Variants in BRWD3 observed in about 807,000 individuals in gnomAD.
The protein encoded by BRWD3 is bromodomain and WD repeat-containing protein 3.
In BRWD3, 10 loss-of-function variants were observed where a neutral mutation model predicts 149.7. The observed-to-expected ratio is 0.07, with a 90% CI of 0.04 to 0.11. BRWD3 has a LOEUF of 0.11. Ranked by LOEUF, BRWD3 falls within the 10% of genes least tolerant of loss-of-function variation. The pLI, the probability that BRWD3 is intolerant of heterozygous loss-of-function variation, is 1.00. For missense variants in BRWD3, 940 were observed against 1,373.2 expected (o/e 0.68, Z 4.99); for synonymous variants, 504 against 456.7 (o/e 1.10, Z -1.32).
At chrX:80,737,927 A>G (rs764646634) in intron 8 of BRWD3, among the ~76,000 whole-genome samples, 83 of 112,507 alleles carry the variant, frequency 7.4e-4, no homozygotes, top group Non-Finnish European at 1.3e-4. Context: ...GCTTCTGTAA[A>G]TATAGTGTTA....
intron 24 of BRWD3, 125 bp downstream of exon 24, chrX:80,703,355 G>A (rs2072817741): frequency 6.7e-6 from 3 of 449,622 alleles, no homozygotes; most frequent in Non-Finnish European, 1.1e-5. Flanking sequence ...ATATATAATT[G>A]AGCAGAGCAG....
chrX:80,710,257 C>A, intron 20 of BRWD3: 1 of 377,395 alleles, frequency 2.6e-6, no homozygotes. Flanking sequence ...TAATTGGAAG[C>A]AAGACCCAAA....
chrX:80,673,197 T>C lies in BRWD3; in HGVS notation c.*3412A>G, dbSNP rs1296011567. The C allele has an allele frequency of 9.0e-6, 1 of 111,496 alleles. No homozygotes were observed. The highest frequency in any genetic ancestry group is 3.3e-5 in the African/African-American group (1 of 30,687). The allele number at this position is 111,496 out of a possible 1,213,427, so 9.2% of individuals were successfully genotyped here. A position where few individuals can be genotyped will look rare whatever the true frequency, so the allele number is the denominator to read the frequency against. ...TGCAGAATGAGATTTCTAATTTTACTCAGTTACTTTGTTACTTTGCATCTG... is the reference window on the plus strand; with the variant it reads ...TGCAGAATGAGATTTCTAATTTTACCCAGTTACTTTGTTACTTTGCATCTG... On this transcript the variant is annotated 3_prime_UTR_variant, in exon 41 of 41. Coordinates refer to ENST00000373275, the MANE Select transcript of BRWD3 (RefSeq NM_153252.5).
At chrX:80,687,655 C>T (rs2072549969) in intron 34 of BRWD3, among the ~76,000 whole-genome samples, 1 of 110,419 alleles carries the variant, frequency 9.1e-6, no homozygotes, top group Non-Finnish European at 1.9e-5. Flanking sequence ...ACAGTATAAA[C>T]AATGTGATTT....
At chrX:80,701,618 A>G (rs1207201691) in intron 24 of BRWD3, among the ~76,000 whole-genome samples, 1 of 108,219 alleles carries the variant, frequency 9.2e-6, no homozygotes, top group African/African-American at 3.4e-5. Flanking sequence ...AAAAAATACC[A>G]TATTATGAGA....
chrX:80,809,389 G>C (rs1194307745), intron 1 of BRWD3, 52 bp downstream of exon 1: 2 of 1,125,382 alleles, frequency 1.8e-6, no homozygotes, highest in Non-Finnish European at 1.2e-6. Context: ...CAGCCTTCGC[G>C]CTAAGCCCCC....
intron 18 of BRWD3, among the ~76,000 whole-genome samples, chrX:80,719,056 G>A (rs767636083): frequency 1.9e-5 from 1 of 53,524 alleles, no homozygotes; most frequent in African/African-American, 5.9e-5. Flanking sequence ...CTTGTCTTCA[G>A]TGTATTTTTT....
chrX:80,754,771 C>T lies in BRWD3; in HGVS notation c.431-9042G>A, dbSNP rs188068661. Among the ~76,000 whole-genome samples the T allele has an allele frequency of 2.4e-3, 269 of 112,111 alleles. 1 individual carries two copies. The highest frequency in any genetic ancestry group is 8.3e-3 in the African/African-American group (257 of 30,883). On this transcript the variant is annotated intron_variant, in intron 6 of 40. Coordinates refer to ENST00000373275, the MANE Select transcript of BRWD3 (RefSeq NM_153252.5). ...CCTATTATCCCAGCACTTTGAGAGG[C>T]TGAGGCAGGCAGATCACTTGAGGTC...
intron 6 of BRWD3, among the ~76,000 whole-genome samples, chrX:80,767,446 C>A (rs748114483): frequency 2.7e-4 from 30 of 111,455 alleles, no homozygotes; most frequent in Non-Finnish European, 5.5e-4. Flanking sequence ...CAAACACCAA[C>A]AGACCTGCAG....
At chrX:80,691,294 A>C (rs2072607892) in intron 30 of BRWD3, 121 bp from the exon 31 acceptor site, 1 of 741,726 alleles carries the variant, frequency 1.3e-6, no homozygotes, top group African/African-American at 2.2e-5. Flanking sequence ...TAAAACCATG[A>C]GGATTCCATT....
intron 27 of BRWD3, among the ~76,000 whole-genome samples, chrX:80,693,949 T>C (rs1413957494): frequency 1.8e-5 from 2 of 111,503 alleles, no homozygotes; most frequent in African/African-American, 3.3e-5. Flanking sequence ...AGGAGCCAAA[T>C]GTTAGTCACC....
chrX:80,782,902 A>AAAAT (rs939635744), intron 6 of BRWD3, among the ~76,000 whole-genome samples: 5 of 110,727 alleles, frequency 4.5e-5, no homozygotes, highest in African/African-American at 1.6e-4. Flanking sequence ...ACCCTATTTA[A>AAAAT]AAATAAATAA....
chrX:80,701,645 A>T (rs1255350108), intron 24 of BRWD3, among the ~76,000 whole-genome samples: 1 of 109,668 alleles, frequency 9.1e-6, no homozygotes, highest in African/African-American at 3.3e-5. Context: ...AAATACATTA[A>T]CATACTCTAC....
chrX:80,721,347 T>G (rs2073147403), intron 17 of BRWD3, among the ~76,000 whole-genome samples: 1 of 111,655 alleles, frequency 9.0e-6, no homozygotes, highest in African/African-American at 3.3e-5. Context: ...TAATTAATAT[T>G]CACACCTTTT....
At chrX:80,738,868 C>T (rs2073444310) in intron 8 of BRWD3, among the ~76,000 whole-genome samples, 1 of 111,647 alleles carries the variant, frequency 9.0e-6, no homozygotes, top group African/African-American at 3.3e-5. Flanking sequence ...CAAACAAACA[C>T]GCAGTAGATG....
intron 6 of BRWD3, among the ~76,000 whole-genome samples, chrX:80,748,414 G>T (rs1170897527): frequency 1.8e-5 from 2 of 111,868 alleles, no homozygotes; most frequent in Non-Finnish European, 3.8e-5. Context: ...AAATGAATTT[G>T]AAAGTATTCT....
chrX:80,714,929 T>G (rs2073053667), intron 20 of BRWD3, among the ~76,000 whole-genome samples: 1 of 112,276 alleles, frequency 8.9e-6, no homozygotes, highest in Non-Finnish European at 1.9e-5. Context: ...GAGATTTAAT[T>G]TTTAATGATT....
In BRWD3 at chrX:80,717,742, T is replaced by C; in HGVS notation, c.2062A>G (p.Met688Val). The change falls in exon 19 of 41, where the codon ATG becomes GTG. Residue 688 changes from methionine to valine, a missense_variant. Physicochemically the swap from Met to Val is conservative, Grantham distance 21. Transcript: ENST00000373275. ...SVNGALRSPN[M>V]DISSSPNIRL... is the part of the protein sequence containing the mutation. ...ATGTTTGGGGAAGAAGATATGTCCA[T>C]GTTTGGACTTCTCAGAGCTAAAACA... The C allele has an allele frequency of 5.8e-6, 7 of 1,211,093 alleles. No homozygotes were observed. The highest frequency in any genetic ancestry group is 7.8e-6 in the Non-Finnish European group (7 of 894,833).
Position 80,671,237 on chromosome X carries a change from T to C in BRWD3, c.*5372A>G, listed in dbSNP as rs1485087690. The C allele has an allele frequency of 8.9e-6, 1 of 112,189 alleles. No homozygotes were observed. 9.2% of individuals were successfully genotyped at this position (112,189 alleles called of 1,213,427 possible). A position where few individuals can be genotyped will look rare whatever the true frequency, so the allele number is the denominator to read the frequency against. ...TTGACAAATGCTTTGCAGGCTGTTA[T>C]TGAATGCACCAAGCAGCCCACATTT... On this transcript the variant is annotated 3_prime_UTR_variant, in exon 41 of 41. Coordinates refer to ENST00000373275, the MANE Select transcript of BRWD3 (RefSeq NM_153252.5).
Sources: gnomAD v4.1 joint callset for allele counts (sites outside exome capture counted in the v4.1 genomes callset) on GRCh38, gnomAD v4.1.1 for gene constraint, MANE v1.5 for transcripts, NCBI Gene and HGNC (gene_info 2026-07-23, HGNC 2026-07-21) for gene names.